NPR3: variants seen among roughly 807,000 people sequenced by gnomAD.
The protein encoded by NPR3 is atrial natriuretic peptide receptor 3.
In NPR3, 34 loss-of-function variants were observed where a neutral mutation model predicts 54.5. The ratio of observed to expected loss-of-function variants is 0.62; its 90% CI spans 0.47 to 0.83. The LOEUF (loss-of-function observed/expected upper bound fraction) is 0.83, where lower values mean the gene tolerates loss of function less well. Ranked by LOEUF, NPR3 falls within the 40% of genes least tolerant of loss-of-function variation. NPR3 has a pLI of 0.00. For missense variants in NPR3, 674 were observed against 720.8 expected (o/e 0.94, Z 0.74); for synonymous variants, 289 against 297.1 (o/e 0.97, Z 0.28).
intron 1 of NPR3, among the ~76,000 whole-genome samples, chr5:32,700,342 C>T (rs948005268): frequency 6.6e-6 from 1 of 152,160 alleles, no homozygotes; most frequent in African/African-American, 2.4e-5. Flanking sequence ...ATTTGCCCCT[C>T]TAAGGCTATT....
At chr5:32,721,334 CTT>C (rs1195434761) in intron 1 of NPR3, among the ~76,000 whole-genome samples, 1 of 152,182 alleles carries the variant, frequency 6.6e-6, no homozygotes, top group Non-Finnish European at 1.5e-5. Context: ...CTCTATGTCT[CTT>C]TTGCTCAGTC....
At position 32,717,212 on chromosome 5, in the gene NPR3, A is replaced by G. The variant is rs58864105; in HGVS notation, c.769+4667A>G. Among the ~76,000 whole-genome samples the G allele has an allele frequency of 8.0e-3, 1,214 of 152,270 alleles. 19 individuals are homozygous for G. The highest frequency in any genetic ancestry group is 0.026 in the African/African-American group (1,099 of 41,534). On this transcript the variant is annotated intron_variant, in intron 1 of 7. Transcript: ENST00000265074. Reference sequence around the variant, plus strand: ...CCTTTTTGTGGCTGCATAGTATTCCATGATGTATATGTGCCACATTTTCTT... The same window carrying G: ...CCTTTTTGTGGCTGCATAGTATTCCGTGATGTATATGTGCCACATTTTCTT...
chr5:32,773,509 C>T (rs772807908), intron 3 of NPR3, among the ~76,000 whole-genome samples: 26 of 152,126 alleles, frequency 1.7e-4, no homozygotes, highest in Admixed American at 3.3e-4. Flanking sequence ...TCTCCTGCTC[C>T]CAGCCGAGCA....
chr5:32,786,127 C>T (rs1426760126), intron 7 of NPR3, 107 bp from the exon 8 acceptor site: 2 of 604,268 alleles, frequency 3.3e-6, no homozygotes, highest in East Asian at 6.1e-5. Context: ...TGTCACTTCT[C>T]ATTTATCAAC....
In NPR3 at chr5:32,786,263, G is replaced by A. The variant is rs201694177; in HGVS notation, c.1544G>A (p.Arg515Gln). The A allele has an allele frequency of 1.9e-6, 3 of 1,565,398 alleles. No individual in the cohort carries two copies. Among genetic ancestry groups the A allele is most frequent in the South Asian group, 1.2e-5 (1 of 86,594 alleles). ...AAATACAGAATAACCATTGAGAGGCGAACCCAGCAAGAAGAAAGTAACCTT... is the reference window on the plus strand; with the variant it reads ...AAATACAGAATAACCATTGAGAGGCAAACCCAGCAAGAAGAAAGTAACCTT... ...RKKYRITIERRTQQEESNLGK... is the reference protein window; with the variant it reads ...RKKYRITIERQTQQEESNLGK... Residue 515 changes from arginine to glutamine, a missense_variant, in exon 8 of 8, where the codon CGA (arginine) becomes CAA (glutamine). Physicochemically the swap from Arg to Gln is conservative, Grantham distance 43. Transcript: ENST00000265074.
At chr5:32,764,200 A>G (rs1372646438) in intron 3 of NPR3, among the ~76,000 whole-genome samples, 3 of 152,128 alleles carry the variant, frequency 2.0e-5, no homozygotes, top group Non-Finnish European at 4.4e-5. Flanking sequence ...TACCATGGAC[A>G]GCAGAAGTTT....
chr5:32,750,082 T>C (rs1000003704), intron 3 of NPR3, among the ~76,000 whole-genome samples: 1 of 152,188 alleles, frequency 6.6e-6, no homozygotes, highest in Admixed American at 6.5e-5. Context: ...CCCTTCTGTG[T>C]ACACTTTGGT....
intron 1 of NPR3, among the ~76,000 whole-genome samples, chr5:32,696,585 G>A (rs1740538232): frequency 6.6e-6 from 1 of 151,988 alleles, no homozygotes; most frequent in South Asian, 2.1e-4. Flanking sequence ...TATGTAGATG[G>A]TTTTTGATAG....
At chr5:32,765,829 A>G (rs1473270792) in intron 3 of NPR3, among the ~76,000 whole-genome samples, 1 of 152,234 alleles carries the variant, frequency 6.6e-6, no homozygotes, top group African/African-American at 2.4e-5. Flanking sequence ...ATCTATAAAT[A>G]AAGGCACTAT....
chr5:32,708,998 A>G (rs537727029), upstream of NPR3, among the ~76,000 whole-genome samples: 1 of 150,706 alleles, frequency 6.6e-6, no homozygotes, highest in East Asian at 2.0e-4. Flanking sequence ...CTTGAGTGTG[A>G]CAAACTGCAA....
intron 1 of NPR3, among the ~76,000 whole-genome samples, chr5:32,714,964 C>G (rs1738472533): frequency 6.6e-6 from 1 of 152,170 alleles, no homozygotes; most frequent in South Asian, 2.1e-4. Context: ...CTTTGGGAAA[C>G]TGTGAGGGTT....
chr5:32,780,787 A>G lies in NPR3; in HGVS notation c.1261A>G (p.Met421Val), dbSNP rs755975308. Residue 421 changes from methionine to valine, a missense_variant, in exon 5 of 8, where the codon ATG (methionine) becomes GTG (valine). Coordinates refer to ENST00000265074, the MANE Select transcript of NPR3 (RefSeq NM_001204375.2). ...DRYGDFSVIA[M>V]TDVEAGTQEV... ...ATATGGGGATTTCTCTGTGATTGCC[A>G]TGACTGATGTGGAGGCGGGCACCCA... 4 of 1,595,220 alleles carry G rather than the reference A, an allele frequency of 2.5e-6. No individual in the cohort carries two copies. The highest frequency in any genetic ancestry group is 3.4e-6 in the Non-Finnish European group (4 of 1,162,968).
chr5:32,786,463 G>A lies in NPR3; in HGVS notation c.*118G>A. 1.6e-6 allele frequency: 1 copy of A among 644,740 alleles called. No individual in the cohort carries two copies. Among genetic ancestry groups the A allele is most frequent in the Non-Finnish European group, 2.8e-6 (1 of 360,674 alleles). 39.9% of individuals were successfully genotyped at this position (644,740 alleles called of 1,614,324 possible). A position where few individuals can be genotyped will look rare whatever the true frequency, so the allele number is the denominator to read the frequency against. On this transcript the variant is annotated 3_prime_UTR_variant, in exon 8 of 8. Transcript: ENST00000265074. ...AAGAATTCATAATTTTAAGCAGTTA[G>A]TAATTTCATTTTAAAATTTCTGTAG...
At chr5:32,719,273 G>C (rs1385450838) in intron 1 of NPR3, among the ~76,000 whole-genome samples, 2 of 152,136 alleles carry the variant, frequency 1.3e-5, no homozygotes, top group Admixed American at 1.3e-4. Context: ...TCTCTGTTGA[G>C]CTAGATCCCT....
At chr5:32,735,479 CAAAAAAA>C (rs10555665) in intron 2 of NPR3, among the ~76,000 whole-genome samples, 1 of 127,050 alleles carries the variant, frequency 7.9e-6, no homozygotes, top group Non-Finnish European at 1.7e-5. Flanking sequence ...AGAAAAATAC[CAAAAAAA>C]AAAAAAAAGG....
chr5:32,704,581 G>T (rs1054396333), upstream of NPR3, among the ~76,000 whole-genome samples: 4 of 152,176 alleles, frequency 2.6e-5, no homozygotes, highest in African/African-American at 9.7e-5. Context: ...CTAAATGCAT[G>T]ATCTTAACAC....
chr5:32,703,876 T>G (rs1040459713), intron 1 of NPR3, among the ~76,000 whole-genome samples: 13 of 152,154 alleles, frequency 8.5e-5, no homozygotes, highest in Non-Finnish European at 1.5e-5. Context: ...TCTCACTAGG[T>G]CATGTGTCCC....
intron 1 of NPR3, among the ~76,000 whole-genome samples, chr5:32,691,825 A>G (rs1399677783): frequency 4.6e-5 from 7 of 152,262 alleles, no homozygotes; most frequent in African/African-American, 1.7e-4. Flanking sequence ...AGGAGAAGGA[A>G]TAAGTAAAAC....
At chr5:32,727,072 G>A (rs1044253196) in intron 2 of NPR3, among the ~76,000 whole-genome samples, 1 of 152,094 alleles carries the variant, frequency 6.6e-6, no homozygotes, top group Non-Finnish European at 1.5e-5. Context: ...TATATTATCT[G>A]TAAAATAAAT....
Sources: gnomAD v4.1 joint callset for allele counts (sites outside exome capture counted in the v4.1 genomes callset) on GRCh38, gnomAD v4.1.1 for gene constraint, MANE v1.5 for transcripts, NCBI Gene and HGNC (gene_info 2026-07-23, HGNC 2026-07-21) for gene names.